Variants in MLLT10 observed in about 807,000 individuals in gnomAD.
The protein encoded by MLLT10 is protein AF-10.
A neutral mutation model predicts 129.1 loss-of-function variants in MLLT10; 30 were observed. That is an observed-to-expected ratio of 0.23 (90% CI 0.17 to 0.32). MLLT10 has a LOEUF of 0.32. Among genes scored for constraint, MLLT10 ranks in the 10% least tolerant of loss-of-function variants. The pLI is 1.00. For synonymous variants in MLLT10, 490 were observed against 446.4 expected, an observed-to-expected ratio of 1.10 and a Z score of -1.23; for missense variants, 1,119 against 1,268.3, an observed-to-expected ratio of 0.88 and a Z score of 1.79.
At chr10:21,561,342 G>A (rs574501819) in intron 3 of MLLT10, among the ~76,000 whole-genome samples, 48 of 152,078 alleles carry the variant, frequency 3.2e-4, no homozygotes, top group Admixed American at 1.1e-3. Context: ...CTGGGTGCAA[G>A]TTCTGCCTCC....
intron 6 of MLLT10, among the ~76,000 whole-genome samples, chr10:21,613,248 G>A (rs1218476730): frequency 6.8e-6 from 1 of 148,038 alleles, no homozygotes; most frequent in African/African-American, 2.5e-5. Context: ...AATTTCAAGG[G>A]CAAAAATTAT....
chr10:21,735,168 A>C lies in MLLT10; in HGVS notation c.2888A>C (p.Gln963Pro), dbSNP rs751497490. The stretch of plus-strand genomic sequence containing the variant: ...TCAGGACTAGGATTACTTTCTGACC[A>C]GCAACGACAAATACTTATTCATCAA... ...SASGLGLLSD[Q>P]QRQILIHQQQ... The change falls in exon 21 of 23, where the codon CAG becomes CCG. Residue 963 changes from glutamine to proline, a missense_variant. Transcript: ENST00000307729. 4 of 1,614,082 alleles carry C rather than the reference A, an allele frequency of 2.5e-6. No individual in the cohort carries two copies.
intron 13 of MLLT10, among the ~76,000 whole-genome samples, chr10:21,708,218 T>C (rs1415488608): frequency 6.6e-6 from 1 of 152,172 alleles, no homozygotes; most frequent in Non-Finnish European, 1.5e-5. Context: ...AATCAGTATG[T>C]CATTGCCACC....
chr10:21,740,916 C>T (rs1260564955), intron 22 of MLLT10, among the ~76,000 whole-genome samples: 1 of 152,148 alleles, frequency 6.6e-6, no homozygotes, highest in Non-Finnish European at 1.5e-5. Context: ...CAGGGCAGAA[C>T]CCTGTTAGAG....
At chr10:21,727,478 A>G (rs947532134) in intron 15 of MLLT10, among the ~76,000 whole-genome samples, 3 of 152,198 alleles carry the variant, frequency 2.0e-5, no homozygotes, top group Non-Finnish European at 4.4e-5. Context: ...AATACAAAGC[A>G]TACGGATTTG....
At chr10:21,673,318 C>CCCATTTTTTTT in intron 10 of MLLT10, 32 bp from the exon 11 acceptor site, 1 of 307,342 alleles carries the variant, frequency 3.3e-6, no homozygotes, top group Non-Finnish European at 5.0e-6. Context: ...CACCCCCCAA[C>CCCATTTTTTTT]TTTTTTTTTT....
intron 3 of MLLT10, among the ~76,000 whole-genome samples, chr10:21,581,068 C>T (rs1192400779): frequency 3.9e-5 from 5 of 129,556 alleles, no homozygotes; most frequent in African/African-American, 1.2e-4. Context: ...TTTTTTGAGA[C>T]GGAGTCTTGC....
At chr10:21,587,423 CAAAAA>C (rs35976402) in intron 4 of MLLT10, among the ~76,000 whole-genome samples, 95 of 42,314 alleles carry the variant, frequency 2.2e-3, no homozygotes, top group South Asian at 0.018. Flanking sequence ...GACCCTGCCT[CAAAAA>C]AAAAAAAAAA....
intron 6 of MLLT10, among the ~76,000 whole-genome samples, chr10:21,613,328 A>T (rs1467722881): frequency 6.6e-6 from 1 of 152,150 alleles, no homozygotes; most frequent in East Asian, 1.9e-4. Flanking sequence ...CTGTGCACTA[A>T]TTTTAAGAAT....
At chr10:21,721,187 A>G (rs746388225) in intron 14 of MLLT10, among the ~76,000 whole-genome samples, 1 of 152,166 alleles carries the variant, frequency 6.6e-6, no homozygotes, top group Non-Finnish European at 1.5e-5. Flanking sequence ...GTTTATTGAC[A>G]GGTTAATTGT....
chr10:21,594,746 A>G lies in MLLT10; in HGVS notation c.296-585A>G, dbSNP rs2042871810. ...TCAGTCGGGAGGCTGAGGCAGGAGA[A>G]TTGCTTGAACCTGGGAGGCGGAGGT... On this transcript the variant is annotated intron_variant, in intron 4 of 22. Transcript: ENST00000307729. 2.0e-5 allele frequency among the ~76,000 whole-genome samples: 3 copies of G among 149,842 alleles called. No homozygotes were observed. In the Admixed American group the frequency reaches 2.0e-4, roughly 10 times the overall value.
At chr10:21,551,360 CCTGTACA>C (rs1322044914) in intron 3 of MLLT10, among the ~76,000 whole-genome samples, 4 of 133,800 alleles carry the variant, frequency 3.0e-5, no homozygotes, top group Non-Finnish European at 6.2e-5. Context: ...GGCTTTTTAG[CCTGTACA>C]CTTTAAATAG....
chr10:21,541,001 A>T (rs1004531379), intron 3 of MLLT10, among the ~76,000 whole-genome samples: 3 of 152,028 alleles, frequency 2.0e-5, no homozygotes, highest in Non-Finnish European at 4.4e-5. Flanking sequence ...CTCTACTAAA[A>T]ATACAAAAAT....
chr10:21,615,504 G>C (rs2045160317), intron 7 of MLLT10, among the ~76,000 whole-genome samples: 2 of 148,194 alleles, frequency 1.3e-5, no homozygotes, highest in African/African-American at 4.9e-5. Context: ...TATAAATATT[G>C]ATAGTGAATG....
Position 21,673,318 on chromosome 10 carries a change from CTTTTTTTTTTTT to C in MLLT10, c.1052-21_1052-10del. On this transcript the variant is annotated intron_variant, in intron 10 of 22. Coordinates refer to ENST00000307729, the MANE Select transcript of MLLT10 (RefSeq NM_001195626.3). ...TTTTTCTGTCCCCCCCACCCCCCAA[CTTTTTTTTTTTT>C]TTTTTTTTTTAAACTACAGGCAGTT... is the stretch of plus-strand genomic sequence containing the variant. 1 of 307,342 alleles carries C rather than the reference CTTTTTTTTTTTT, an allele frequency of 3.3e-6. No individual in the cohort carries two copies. The allele number at this position is 307,342 out of a possible 1,614,324, so 19.0% of individuals were successfully genotyped here. A position where few individuals can be genotyped will look rare whatever the true frequency, so the allele number is the denominator to read the frequency against.
chr10:21,581,262 T>G (rs1177777665), intron 3 of MLLT10, among the ~76,000 whole-genome samples: 1 of 151,958 alleles, frequency 6.6e-6, no homozygotes, highest in African/African-American at 2.4e-5. Flanking sequence ...TTAGCCAGGA[T>G]GGTCTCGATC....
rs747244556 is a variant in MLLT10, at chr10:21,717,253, CA to C, written c.1878+3327del. Reference sequence around the variant, plus strand: ...GGGCAACAAGAGCGAAACTCCGTCTCAAAAAAAAAAAAAAAAAAAAAAAATT... The same window carrying C: ...GGGCAACAAGAGCGAAACTCCGTCTCAAAAAAAAAAAAAAAAAAAAAAATT... On this transcript the variant is annotated intron_variant, in intron 14 of 22. Coordinates refer to ENST00000307729, the MANE Select transcript of MLLT10 (RefSeq NM_001195626.3). Among the ~76,000 whole-genome samples the C allele has an allele frequency of 9.1e-3, 576 of 63,524 alleles. 2 individuals carry two copies. Among genetic ancestry groups the C allele is most frequent in the African/African-American group, 0.02 (334 of 16,322 alleles). The allele number at this position is 63,524 out of a possible 152,430, so 41.7% of individuals were successfully genotyped here.
intron 13 of MLLT10, 136 bp downstream of exon 13, chr10:21,682,393 CT>C: frequency 1.5e-6 from 1 of 683,282 alleles, no homozygotes; most frequent in Non-Finnish European, 2.2e-6. Flanking sequence ...TGTTCAGCAC[CT>C]TAGTGAAAAA....
At position 21,584,103 on chromosome 10, in the gene MLLT10, C is replaced by T. The variant is rs531017846; in HGVS notation, c.241-2191C>T. Among the ~76,000 whole-genome samples, 30 of 151,786 alleles carry T rather than the reference C, an allele frequency of 2.0e-4. No homozygotes were observed. The East Asian group carries it at 3.9e-3, about 20-fold the overall frequency. The stretch of plus-strand genomic sequence containing the variant: ...CCAGATGGTCTCGATCTCCTGACCC[C>T]GTGATCCACCCGCCTCAGCCTCCCA... On this transcript the variant is annotated intron_variant, in intron 3 of 22. Coordinates refer to ENST00000307729, the MANE Select transcript of MLLT10 (RefSeq NM_001195626.3).
Sources: allele counts gnomAD v4.1 joint callset (sites outside exome capture counted in the v4.1 genomes callset), GRCh38; gene constraint gnomAD v4.1.1; transcripts MANE v1.5; gene names NCBI Gene and HGNC (gene_info 2026-07-23, HGNC 2026-07-21).